Variants in DSCAML1 observed in about 807,000 individuals in gnomAD.
DSCAML1 encodes cell adhesion molecule DSCAML1.
In DSCAML1, 38 loss-of-function variants were observed where a neutral mutation model predicts 200.5. The ratio of observed to expected loss-of-function variants is 0.19; its 90% CI spans 0.15 to 0.25. The LOEUF (loss-of-function observed/expected upper bound fraction) is 0.25. Ranked by LOEUF, DSCAML1 falls within the 10% of genes least tolerant of loss-of-function variation. The pLI, the probability that DSCAML1 is intolerant of heterozygous loss-of-function variation, is 1.00. For missense variants in DSCAML1, 2,223 were observed against 2,858.8 expected (o/e 0.78, Z 5.07); for synonymous variants, 1,215 against 1,165.0 (o/e 1.04, Z -0.87).
intron 3 of DSCAML1, among the ~76,000 whole-genome samples, chr11:117,556,380 G>T (rs868526227): frequency 6.6e-6 from 1 of 152,192 alleles, no homozygotes; most frequent in African/African-American, 2.4e-5. Context: ...GCCACAGAAG[G>T]TTTCTGGAGG....
intron 3 of DSCAML1, among the ~76,000 whole-genome samples, chr11:117,699,954 G>C (rs1388517715): frequency 6.6e-6 from 1 of 152,232 alleles, no homozygotes; most frequent in Non-Finnish European, 1.5e-5. Context: ...AGCTGACAGA[G>C]GGTCGAGAGT....
chr11:117,717,469 G>C (rs1439651419), intron 3 of DSCAML1, among the ~76,000 whole-genome samples: 7 of 152,240 alleles, frequency 4.6e-5, no homozygotes, highest in Non-Finnish European at 1.0e-4. Flanking sequence ...ATCTCAGGCA[G>C]GTTCCAACTG....
chr11:117,580,865 A>T (rs1291965423), intron 3 of DSCAML1, among the ~76,000 whole-genome samples: 1 of 152,194 alleles, frequency 6.6e-6, no homozygotes, highest in African/African-American at 2.4e-5. Flanking sequence ...GAACATGGAG[A>T]AGGTGCTGAA....
Position 117,547,379 on chromosome 11 carries a change from T to C in DSCAML1, c.512-14857A>G, listed in dbSNP as rs60168059. Among the ~76,000 whole-genome samples the C allele has an allele frequency of 1.1e-3, 169 of 152,322 alleles. 3 individuals are homozygous for C. The highest frequency in any genetic ancestry group is 3.8e-3 in the African/African-American group (158 of 41,570). ...TGCACGGCGGCAGGGAAGGGGACCC[T>C]TGTGTGCCTGGGCCTTGGGGAGGAG... is the stretch of plus-strand genomic sequence containing the variant. On this transcript the variant is annotated intron_variant, in intron 3 of 32. Transcript: ENST00000651296.
rs187329387 is a variant in DSCAML1 at position 117,787,642 on chromosome 11, C to T, written c.47-6832G>A. 7.2e-5 allele frequency among the ~76,000 whole-genome samples: 11 copies of T among 152,246 alleles called. No homozygotes were observed. The East Asian group carries it at 1.5e-3, about 21-fold the overall frequency. On this transcript the variant is annotated intron_variant, in intron 1 of 32. Coordinates refer to ENST00000651296, the MANE Select transcript of DSCAML1 (RefSeq NM_020693.4). ...TGGACTTCTATACTTCCTTTCCCAA[C>T]GACAGACAATTGTCATCTGCTTGGC...
At chr11:117,589,886 A>G in intron 3 of DSCAML1, among the ~76,000 whole-genome samples, 1 of 152,198 alleles carries the variant, frequency 6.6e-6, no homozygotes, top group East Asian at 1.9e-4. Context: ...GTGAGGCCCT[A>G]AGAGGTTAAG....
At chr11:117,476,127 T>C (rs1311058667) in intron 14 of DSCAML1, among the ~76,000 whole-genome samples, 3 of 152,210 alleles carry the variant, frequency 2.0e-5, no homozygotes, top group Non-Finnish European at 4.4e-5. Flanking sequence ...GGGCTCTCTC[T>C]CCCTTTCTTC....
Position 117,710,249 on chromosome 11 carries a change from G to A in DSCAML1, c.511+66542C>T, listed in dbSNP as rs149146971. On this transcript the variant is annotated intron_variant, in intron 3 of 32. Transcript: ENST00000651296. ...ACGTAGTAATTTCAGATTAATTAAA[G>A]CTGTAAATTGGGGAAGTTAGTGACT... is the stretch of plus-strand genomic sequence containing the variant. Among the ~76,000 whole-genome samples, 11 of 152,308 alleles carry A rather than the reference G, an allele frequency of 7.2e-5. No individual in the cohort carries two copies. In the South Asian group the frequency reaches 8.3e-4, roughly 11 times the overall value.
At chr11:117,709,772 T>C (rs1565887399) in intron 3 of DSCAML1, 1 of 454,432 alleles carries the variant, frequency 2.2e-6, no homozygotes, top group Non-Finnish European at 4.4e-6. Flanking sequence ...TCCTGACCCA[T>C]CACCCTAAGG....
At chr11:117,442,333 A>T (rs933444048) in intron 21 of DSCAML1, among the ~76,000 whole-genome samples, 4 of 150,100 alleles carry the variant, frequency 2.7e-5, no homozygotes, top group African/African-American at 9.9e-5. Context: ...TAGTGTGTAT[A>T]GTGTGTATGT....
intron 3 of DSCAML1, among the ~76,000 whole-genome samples, chr11:117,712,275 A>G (rs745946350): frequency 6.6e-6 from 1 of 152,034 alleles, no homozygotes; most frequent in Admixed American, 6.5e-5. Context: ...CTGAAACCCA[A>G]ACCTGGAGGT....
intron 3 of DSCAML1, among the ~76,000 whole-genome samples, chr11:117,641,466 A>G (rs1261471172): frequency 6.6e-6 from 1 of 152,202 alleles, no homozygotes; most frequent in Non-Finnish European, 1.5e-5. Context: ...CCCACCGAAC[A>G]GATGCGCACA....
intron 3 of DSCAML1, among the ~76,000 whole-genome samples, chr11:117,590,389 T>C (rs939687525): frequency 1.3e-5 from 2 of 149,652 alleles, no homozygotes; most frequent in Non-Finnish European, 3.0e-5. Flanking sequence ...AAAAAACTTG[T>C]CCATGCACCA....
intron 1 of DSCAML1, among the ~76,000 whole-genome samples, chr11:117,813,837 C>T (rs77736569): frequency 1.3e-5 from 2 of 152,178 alleles, no homozygotes; most frequent in South Asian, 2.1e-4. Flanking sequence ...AAATTTTCAC[C>T]GCCCCAACAC....
rs189611060 is a variant in DSCAML1 at position 117,469,609 on chromosome 11, C to T, written c.3024+301G>A. Among the ~76,000 whole-genome samples, 7 of 152,086 alleles carry T rather than the reference C, an allele frequency of 4.6e-5. No individual in the cohort carries two copies. The highest frequency in any genetic ancestry group is 1.9e-4 in the East Asian group (1 of 5,178). On this transcript the variant is annotated intron_variant, in intron 16 of 32. Transcript: ENST00000651296. This position sits in a 1 kb window ranked among gnomAD's most constrained non-coding sequence, Gnocchi z 4.1. ...ATTACAACATGTGGGGTTTGGACGA[C>T]GGGCCAGCACCACCGAGGAACCATC...
chr11:117,560,847 A>C (rs1314353509), intron 3 of DSCAML1, among the ~76,000 whole-genome samples: 2 of 152,216 alleles, frequency 1.3e-5, no homozygotes, highest in Non-Finnish European at 1.5e-5. Flanking sequence ...TTACTGTAAA[A>C]TTAATCATCA....
intron 3 of DSCAML1, among the ~76,000 whole-genome samples, chr11:117,712,754 A>G (rs1226683083): frequency 6.6e-6 from 1 of 152,124 alleles, no homozygotes; most frequent in Non-Finnish European, 1.5e-5. Flanking sequence ...CAGAGACAGC[A>G]GAGATGGAAA....
In DSCAML1 at chr11:117,435,609, C is replaced by G. The variant is rs371881994; in HGVS notation, c.4876+35G>C. 3.2e-6 allele frequency: 5 copies of G among 1,560,650 alleles called. No individual in the cohort carries two copies. In the African/African-American group the frequency reaches 5.4e-5, roughly 17 times the overall value. ...GGGACAATGTGGCTGAGAGCCAACA[C>G]CCCCTCCTGGAAGGCCCATAGGAAG... On this transcript the variant is annotated intron_variant, in intron 27 of 32. Coordinates refer to ENST00000651296, the MANE Select transcript of DSCAML1 (RefSeq NM_020693.4).
chr11:117,775,897 T>C (rs2055121174), intron 3 of DSCAML1, among the ~76,000 whole-genome samples: 1 of 152,154 alleles, frequency 6.6e-6, no homozygotes, highest in Non-Finnish European at 1.5e-5. Context: ...CAATCAGTTA[T>C]GAGACCTTAA....
Sources: allele counts gnomAD v4.1 joint callset (sites outside exome capture counted in the v4.1 genomes callset), GRCh38; gene constraint gnomAD v4.1.1; non-coding constraint Gnocchi (gnomAD v3.1); transcripts MANE v1.5; gene names NCBI Gene and HGNC (gene_info 2026-07-23, HGNC 2026-07-21).